Variants in PFDN1 observed in about 807,000 individuals in gnomAD.
The protein encoded by PFDN1 is prefoldin subunit 1.
A neutral mutation model predicts 17.3 loss-of-function variants in PFDN1; 6 were observed. The ratio of observed to expected loss-of-function variants is 0.35; its 90% CI spans 0.19 to 0.69. The LOEUF (loss-of-function observed/expected upper bound fraction) is 0.69, where lower values mean the gene tolerates loss of function less well. Among genes scored for constraint, PFDN1 ranks in the 30% least tolerant of loss-of-function variants. PFDN1 has a pLI of 0.65. For synonymous variants in PFDN1, 58 were observed against 50.1 expected (o/e 1.16, Z -0.67); for missense variants, 113 against 146.2 (o/e 0.77, Z 1.17).
chr5:140,267,464 C>A (rs751109011), intron 3 of PFDN1, among the ~76,000 whole-genome samples: 1 of 152,218 alleles, frequency 6.6e-6, no homozygotes. Context: ...TGGCTCCACA[C>A]TAAGGGAATG....
rs180953479 is a variant in PFDN1 at position 140,276,939 on chromosome 5, G to C, written c.285+4510C>G. 1.1e-3 allele frequency among the ~76,000 whole-genome samples: 173 copies of C among 152,082 alleles called. 1 individual carries two copies. In the Middle Eastern group the frequency reaches 0.014, roughly 12 times the overall value. On this transcript the variant is annotated intron_variant, in intron 3 of 3. Transcript: ENST00000261813. ...TATGTTAAAAAGTTTGAACTGGTTGGGCACAGTGGCTCACTCACACCTATA... is the reference window on the plus strand; with the variant it reads ...TATGTTAAAAAGTTTGAACTGGTTGCGCACAGTGGCTCACTCACACCTATA...
At chr5:140,279,337 AG>A (rs1765354636) in intron 3 of PFDN1, among the ~76,000 whole-genome samples, 1 of 152,184 alleles carries the variant, frequency 6.6e-6, no homozygotes, top group African/African-American at 2.4e-5. Context: ...AAATTAAAAA[AG>A]AAAAAAGAAC....
At chr5:140,286,237 C>A (rs1389046196) in intron 2 of PFDN1, among the ~76,000 whole-genome samples, 1 of 150,920 alleles carries the variant, frequency 6.6e-6, no homozygotes, top group Non-Finnish European at 1.5e-5. Context: ...ATGGTGAAAC[C>A]CCATCTCTAC....
At chr5:140,285,721 G>A (rs1288189168) in intron 2 of PFDN1, among the ~76,000 whole-genome samples, 1 of 152,150 alleles carries the variant, frequency 6.6e-6, no homozygotes, top group Non-Finnish European at 1.5e-5. Context: ...AAAGTGAAGT[G>A]AAACTGGGAA....
Position 140,262,411 on chromosome 5 carries a change from T to A in PFDN1, c.286-16354A>T, listed in dbSNP as rs193254702. ...TTCCCTGACTGATTCTGGTTCTGGCTCCATGAAGAACACGTGACCTCCATT... is the reference window on the plus strand; with the variant it reads ...TTCCCTGACTGATTCTGGTTCTGGCACCATGAAGAACACGTGACCTCCATT... On this transcript the variant is annotated intron_variant, in intron 3 of 3. Coordinates refer to ENST00000261813, the MANE Select transcript of PFDN1 (RefSeq NM_002622.5). 8.9e-4 allele frequency: 364 copies of A among 410,630 alleles called. 1 individual carries two copies. The highest frequency in any genetic ancestry group is 4.3e-3 in the Admixed American group (168 of 38,896). The allele number at this position is 410,630 out of a possible 1,614,324, so 25.4% of individuals were successfully genotyped here.
intron 2 of PFDN1, among the ~76,000 whole-genome samples, chr5:140,287,049 TTATAAA>T (rs1460132441): frequency 2.6e-5 from 4 of 152,228 alleles, no homozygotes; most frequent in Admixed American, 6.5e-5. Context: ...ATGTAAGTTA[TTATAAA>T]TATGTGTGTA....
At chr5:140,258,382 C>A (rs1765017346) in intron 3 of PFDN1, among the ~76,000 whole-genome samples, 1 of 150,144 alleles carries the variant, frequency 6.7e-6, no homozygotes, top group African/African-American at 2.5e-5. Context: ...GCTTTGAGCA[C>A]CTTTGTCCGG....
At chr5:140,287,604 T>C (rs1432875) in intron 2 of PFDN1, among the ~76,000 whole-genome samples, 4,272 of 151,936 alleles carry the variant, frequency 0.028, 204 homozygotes, top group African/African-American at 0.098. Flanking sequence ...CATACTGCAG[T>C]ATGAGAAGGT....
chr5:140,280,499 T>G (rs1462411348), intron 3 of PFDN1, among the ~76,000 whole-genome samples: 1 of 152,230 alleles, frequency 6.6e-6, no homozygotes. Flanking sequence ...TTATCAAGTT[T>G]GTTTCAACTA....
chr5:140,283,527 C>T (rs1468120902), intron 2 of PFDN1, among the ~76,000 whole-genome samples: 1 of 152,210 alleles, frequency 6.6e-6, no homozygotes, highest in Non-Finnish European at 1.5e-5. Context: ...GCCACCACGC[C>T]CAGCCCAGCC....
intron 3 of PFDN1, among the ~76,000 whole-genome samples, chr5:140,256,658 CAAAAA>C (rs757723797): frequency 7.8e-4 from 31 of 39,902 alleles, no homozygotes; most frequent in Admixed American, 2.6e-3. Context: ...CAAAAAATGA[CAAAAA>C]AAAAAAAAAA....
chr5:140,262,383 T>C, intron 3 of PFDN1: 1 of 368,262 alleles, frequency 2.7e-6, no homozygotes, highest in Admixed American at 2.9e-5. Context: ...GATGTCCCTC[T>C]CTTTCCCTGA....
intron 3 of PFDN1, among the ~76,000 whole-genome samples, chr5:140,276,435 G>C (rs1765294385): frequency 6.6e-6 from 1 of 152,150 alleles, no homozygotes; most frequent in Admixed American, 6.5e-5. Context: ...CCCAAGTGGA[G>C]ATAACTACTT....
Position 140,245,813 on chromosome 5 carries a change from G to C in PFDN1, c.*161C>G. ...AAGCCGGGTAAAAACTCCAGGGCTG[G>C]GAAGCAAATGGGGCTCAGGGTGATG... On this transcript the variant is annotated 3_prime_UTR_variant, in exon 4 of 4. Transcript: ENST00000261813. 1 of 623,736 alleles carries C rather than the reference G, an allele frequency of 1.6e-6. No individual in the cohort carries two copies. Among genetic ancestry groups the C allele is most frequent in the Admixed American group, 2.7e-5 (1 of 37,440 alleles). 38.6% of individuals were successfully genotyped at this position (623,736 alleles called of 1,614,324 possible). A position where few individuals can be genotyped will look rare whatever the true frequency, so the allele number is the denominator to read the frequency against.
chr5:140,262,463 G>A (rs1239936159), intron 3 of PFDN1: 2 of 451,808 alleles, frequency 4.4e-6, no homozygotes, highest in African/African-American at 2.0e-5. Flanking sequence ...AAGCCACCAA[G>A]TTCATGAGAT....
chr5:140,295,262 C>T (rs569861227), intron 2 of PFDN1, among the ~76,000 whole-genome samples: 1 of 152,094 alleles, frequency 6.6e-6, no homozygotes, highest in African/African-American at 2.4e-5. Context: ...TTTATATGCA[C>T]TTTCAAATAT....
chr5:140,269,539 G>T (rs971744540), intron 3 of PFDN1, among the ~76,000 whole-genome samples: 1 of 152,072 alleles, frequency 6.6e-6, no homozygotes, highest in Non-Finnish European at 1.5e-5. Flanking sequence ...GGCTGGTCTC[G>T]AACTCCTGAC....
In PFDN1 at chr5:140,281,689, C is replaced by A. The variant is rs183973687; in HGVS notation, c.201-156G>T. 5.3e-5 allele frequency: 32 copies of A among 609,054 alleles called. No individual in the cohort carries two copies. In the East Asian group the frequency reaches 9.5e-4, roughly 18 times the overall value. 37.7% of individuals were successfully genotyped at this position (609,054 alleles called of 1,614,324 possible). A position where few individuals can be genotyped will look rare whatever the true frequency, so the allele number is the denominator to read the frequency against. ...CTCAGGAAACCACCAGAAGTTTAAA[C>A]CTTCTTGGCTGAGAAGGAATAAAGG... On this transcript the variant is annotated intron_variant, in intron 2 of 3. Coordinates refer to ENST00000261813, the MANE Select transcript of PFDN1 (RefSeq NM_002622.5).
chr5:140,256,721 T>C (rs982080900), intron 3 of PFDN1, among the ~76,000 whole-genome samples: 4 of 141,844 alleles, frequency 2.8e-5, no homozygotes, highest in African/African-American at 5.2e-5. Context: ...GGCACATCCC[T>C]GATTTTTTTC....
Sources: gnomAD v4.1 joint callset for allele counts (sites outside exome capture counted in the v4.1 genomes callset) on GRCh38, gnomAD v4.1.1 for gene constraint, MANE v1.5 for transcripts, NCBI Gene and HGNC (gene_info 2026-07-23, HGNC 2026-07-21) for gene names.